Variants in FOXO1 observed in about 807,000 individuals in gnomAD.
FOXO1 encodes forkhead box protein O1.
In FOXO1, 6 loss-of-function variants were observed where a neutral mutation model predicts 44.1. That is an observed-to-expected ratio of 0.14 (90% CI 0.07 to 0.27). FOXO1 has a LOEUF of 0.27. FOXO1 is among the 10% of genes least tolerant of loss of function. The pLI is 1.00. For missense variants in FOXO1, 737 were observed against 888.8 expected (o/e 0.83, Z 2.17); for synonymous variants, 380 against 362.7 (o/e 1.05, Z -0.54).
Position 40,641,144 on chromosome 13 carries a change from C to T in FOXO1, c.630+24439G>A, listed in dbSNP as rs73467076. Reference sequence around the variant, plus strand: ...ACAACAAGGACAAGTTTCCATTCCCCGTAAAAGGAGGTTCTTTTCCTCCGT... The same window carrying T: ...ACAACAAGGACAAGTTTCCATTCCCTGTAAAAGGAGGTTCTTTTCCTCCGT... On this transcript the variant is annotated intron_variant, in intron 1 of 2. Transcript: ENST00000379561. Among the ~76,000 whole-genome samples, 113 of 152,228 alleles carry T rather than the reference C, an allele frequency of 7.4e-4. 1 individual carries two copies. The highest frequency in any genetic ancestry group is 2.3e-3 in the African/African-American group (95 of 41,532).
chr13:40,620,798 G>GATTTTTTTTTTTTTTTTTTTTTTTTTTT (rs762814974), intron 1 of FOXO1, among the ~76,000 whole-genome samples: 1 of 105,516 alleles, frequency 9.5e-6, no homozygotes. Context: ...TCTTCCCCTT[G>GATTTTTTTTTTTTTTTTTTTTTTTTTTT]CTTTTTTTTT....
chr13:40,615,218 A>G (rs1694157510), intron 1 of FOXO1, among the ~76,000 whole-genome samples: 2 of 152,154 alleles, frequency 1.3e-5, no homozygotes, highest in South Asian at 4.1e-4. Context: ...CACTGGGGGT[A>G]GGTGGCAACA....
intron 1 of FOXO1, among the ~76,000 whole-genome samples, chr13:40,600,258 A>T (rs189462127): frequency 9.1e-4 from 138 of 152,326 alleles, no homozygotes; most frequent in African/African-American, 3.1e-3. Flanking sequence ...GATGGAGAGA[A>T]ATGGACACGA....
chr13:40,647,192 A>G (rs926611498), intron 1 of FOXO1, among the ~76,000 whole-genome samples: 7 of 152,146 alleles, frequency 4.6e-5, no homozygotes, highest in African/African-American at 1.7e-4. Flanking sequence ...ATCTTTATTC[A>G]CCATATAATT....
intron 1 of FOXO1, among the ~76,000 whole-genome samples, chr13:40,598,196 G>C (rs1190977195): frequency 6.6e-6 from 1 of 152,192 alleles, no homozygotes; most frequent in East Asian, 1.9e-4. Context: ...TAAGTGAGCA[G>C]ACAGAACACC....
At chr13:40,655,962 TA>T (rs1877847597) in intron 1 of FOXO1, among the ~76,000 whole-genome samples, 1 of 152,208 alleles carries the variant, frequency 6.6e-6, no homozygotes, top group Non-Finnish European at 1.5e-5. Context: ...TTGCCATTTC[TA>T]AATGGCTGAT....
At chr13:40,619,006 GCCGGACA>G in intron 1 of FOXO1, 1 of 509,784 alleles carries the variant, frequency 2.0e-6, no homozygotes, top group South Asian at 1.4e-5. Context: ...GAACAAACTG[GCCGGACA>G]CCGTGACTCA....
At chr13:40,599,706 C>T (rs1036415046) in intron 1 of FOXO1, among the ~76,000 whole-genome samples, 2 of 152,084 alleles carry the variant, frequency 1.3e-5, no homozygotes, top group African/African-American at 4.8e-5. Flanking sequence ...GGAGGGAGTG[C>T]CCCTCCTCCG....
At chr13:40,662,064 G>A (rs1387568444) in intron 1 of FOXO1, among the ~76,000 whole-genome samples, 2 of 150,436 alleles carry the variant, frequency 1.3e-5, no homozygotes, top group South Asian at 2.1e-4. Context: ...CCAGCTACTC[G>A]GGAGGCTGAG....
intron 1 of FOXO1, among the ~76,000 whole-genome samples, chr13:40,576,473 GTGTC>G (rs1441351583): frequency 3.9e-5 from 6 of 152,182 alleles, no homozygotes; most frequent in Non-Finnish European, 5.9e-5. Context: ...CTGTGAGTGG[GTGTC>G]TGTATTTTTG....
At chr13:40,590,976 TGAAAAA>T (rs1162871276) in intron 1 of FOXO1, among the ~76,000 whole-genome samples, 1 of 152,022 alleles carries the variant, frequency 6.6e-6, no homozygotes, top group Non-Finnish European at 1.5e-5. Flanking sequence ...ACTAAAGTAT[TGAAAAA>T]GAAAAACACA....
intron 1 of FOXO1, chr13:40,618,968 C>G: frequency 5.7e-6 from 3 of 523,802 alleles, no homozygotes; most frequent in South Asian, 4.2e-5. Context: ...CAACAAACAA[C>G]TAGCATCTCA....
chr13:40,606,261 C>T (rs1273414679), intron 1 of FOXO1, among the ~76,000 whole-genome samples: 1 of 152,144 alleles, frequency 6.6e-6, no homozygotes, highest in Non-Finnish European at 1.5e-5. Flanking sequence ...AAACGGACTA[C>T]TTCAGGGACC....
At chr13:40,590,616 G>A (rs1478155918) in intron 1 of FOXO1, among the ~76,000 whole-genome samples, 1 of 152,198 alleles carries the variant, frequency 6.6e-6, no homozygotes, top group Non-Finnish European at 1.5e-5. Context: ...TCCACAGCAT[G>A]GGTTATCCCA....
chr13:40,594,520 T>C (rs1333729220), intron 1 of FOXO1, among the ~76,000 whole-genome samples: 1 of 152,092 alleles, frequency 6.6e-6, no homozygotes, highest in African/African-American at 2.4e-5. Flanking sequence ...GCATGGACAT[T>C]AATTAACAAA....
Position 40,642,301 on chromosome 13 carries a change from C to T in FOXO1, c.630+23282G>A, listed in dbSNP as rs9577085. Among the ~76,000 whole-genome samples the T allele has an allele frequency of 1.1e-3, 163 of 152,196 alleles. 4 individuals are homozygous for T. In the East Asian group the frequency reaches 0.02, roughly 18 times the overall value. On this transcript the variant is annotated intron_variant, in intron 1 of 2. Coordinates refer to ENST00000379561, the MANE Select transcript of FOXO1 (RefSeq NM_002015.4). ...GATATGTAGCAGATGCAACCAAACC[C>T]CAATCTAGACATACAGTCAGCGAAT...
chr13:40,643,078 A>T (rs1877402363), intron 1 of FOXO1, among the ~76,000 whole-genome samples: 1 of 152,186 alleles, frequency 6.6e-6, no homozygotes, highest in Admixed American at 6.5e-5. Context: ...GTGGTGGCTC[A>T]TGCCTATAAT....
Position 40,556,289 on chromosome 13 carries a change from T to C in FOXO1, c.*2760A>G, listed in dbSNP as rs1349003642. 1 of 152,666 alleles carries C rather than the reference T, an allele frequency of 6.6e-6. No homozygotes were observed. The highest frequency in any genetic ancestry group is 2.4e-5 in the African/African-American group (1 of 41,460). 9.5% of individuals were successfully genotyped at this position (152,666 alleles called of 1,614,324 possible). On this transcript the variant is annotated 3_prime_UTR_variant, in exon 3 of 3. Transcript: ENST00000379561. ...TTGATTTACTGCTCACTGGGATACA[T>C]GTGCTCATTTAGACTTTGTCAGTTT...
intron 1 of FOXO1, 107 bp downstream of exon 1, chr13:40,665,476 G>T: frequency 2.0e-6 from 2 of 1,008,606 alleles, no homozygotes; most frequent in Non-Finnish European, 2.6e-6. Flanking sequence ...TCCTGGGAAC[G>T]CGCTGCCCTC....
Sources: gnomAD v4.1 joint callset for allele counts (sites outside exome capture counted in the v4.1 genomes callset) on GRCh38, gnomAD v4.1.1 for gene constraint, MANE v1.5 for transcripts, NCBI Gene and HGNC (gene_info 2026-07-23, HGNC 2026-07-21) for gene names.